The following ERCC1 variants were observed in gnomAD, a reference collection of about 807,000 sequenced individuals.
The protein encoded by ERCC1 is ERCC excision repair 1, endonuclease non-catalytic subunit.
Under a neutral mutation model 37.6 loss-of-function variants are expected in ERCC1, and 36 were observed. The observed-to-expected ratio is 0.96, with a 90% CI of 0.73 to 1.26. ERCC1 has a LOEUF of 1.26. Among genes scored for constraint, ERCC1 ranks in the 50% most tolerant of loss-of-function variants. The pLI is 0.00. For synonymous variants in ERCC1, 156 were observed against 162.1 expected, an observed-to-expected ratio of 0.96 and a Z score of 0.28; for missense variants, 349 against 376.5, an observed-to-expected ratio of 0.93 and a Z score of 0.60.
chr19:45,420,365 G>A lies in ERCC1; in HGVS notation c.384C>T (p.Pro128=), dbSNP rs139827427. The A allele has an allele frequency of 4.1e-4, 659 of 1,613,746 alleles. 3 individuals carry two copies. The highest frequency in any genetic ancestry group is 5.0e-4 in the Non-Finnish European group (594 of 1,179,842). Residue 128 remains proline (P), a synonymous_variant, in exon 4 of 10, where the codon CCC becomes CCT. Coordinates refer to ENST00000300853, the MANE Select transcript of ERCC1 (RefSeq NM_001983.4). This position sits in a 1 kb window ranked among gnomAD's most constrained non-coding sequence, Gnocchi z 4.8. ...NVPWEFGDVI[P]DYVLGQSTCA... ...AGGTGCTCTGGCCCAGCACATAGTCGGGAATTACGTCGCCAAATTCCCAGG... is the reference window on the plus strand; with the variant it reads ...AGGTGCTCTGGCCCAGCACATAGTCAGGAATTACGTCGCCAAATTCCCAGG...
chr19:45,438,942 G>T (rs1975049979), intron 1 of ERCC1, among the ~76,000 whole-genome samples: 1 of 152,108 alleles, frequency 6.6e-6, no homozygotes, highest in Admixed American at 6.6e-5. Context: ...CGCCCGGCCC[G>T]AAGTTATTCC....
Position 45,421,186 on chromosome 19 carries a change from G to A in ERCC1, c.313C>T (p.Pro105Ser). Residue 105 changes from proline to serine, a missense_variant, in exon 3 of 10, where the codon CCT (proline) becomes TCT (serine). Coordinates refer to ENST00000300853, the MANE Select transcript of ERCC1 (RefSeq NM_001983.4). The stretch of plus-strand genomic sequence containing the variant: ...TCCGTCTCCCTCCTCACCTGCCGAG[G>A]GCTCACAATGATGCTGTTGGATTTT... ...GAKSNSIIVS[P>S]RQRGNPVLKF... 1 of 1,614,038 alleles carries A rather than the reference G, an allele frequency of 6.2e-7. No homozygotes were observed. The highest frequency in any genetic ancestry group is 8.5e-7 in the Non-Finnish European group (1 of 1,179,968).
At chr19:45,447,679 C>T (rs1435860034) in intron 1 of ERCC1, among the ~76,000 whole-genome samples, 2 of 152,132 alleles carry the variant, frequency 1.3e-5, no homozygotes, top group Non-Finnish European at 2.9e-5. Flanking sequence ...CCTCCACACT[C>T]AGGATCCTCT....
At chr19:45,450,009 T>C (rs1357548651) in intron 1 of ERCC1, among the ~76,000 whole-genome samples, 2 of 152,184 alleles carry the variant, frequency 1.3e-5, no homozygotes, top group Admixed American at 6.5e-5. Flanking sequence ...AGAATCCAGT[T>C]ATTAAATAAC....
chr19:45,451,540 A>G (rs528952563), intron 1 of ERCC1, among the ~76,000 whole-genome samples: 1 of 152,150 alleles, frequency 6.6e-6, no homozygotes, highest in Non-Finnish European at 1.5e-5. Context: ...GTGTCCGGGA[A>G]GCTGTCCACA....
upstream of ERCC1, among the ~76,000 whole-genome samples, chr19:45,428,065 CTT>C (rs1974740058): frequency 1.4e-5 from 2 of 142,860 alleles, no homozygotes; most frequent in African/African-American, 5.6e-5. Flanking sequence ...TTCTTTTTTT[CTT>C]TTTCTTTCTT....
At position 45,423,305 on chromosome 19, in the gene ERCC1, T is replaced by C. The variant is rs1974553698; in HGVS notation, c.70A>G (p.Ile24Val). ...SGPPARKKFV[I>V]PLDEDEVPPG... The stretch of plus-strand genomic sequence containing the variant: ...GGGACCTCATCCTCGTCGAGGGGTA[T>C]CACAAATTTCTTCCTTGCTGGCGGC... Residue 24 changes from isoleucine (I) to valine (V), a missense_variant, in exon 2 of 10, where the codon ATA (isoleucine) becomes GTA (valine). Transcript: ENST00000300853. 6.2e-7 allele frequency: 1 copy of C among 1,613,820 alleles called. No homozygotes were observed. Among genetic ancestry groups the C allele is most frequent in the Non-Finnish European group, 8.5e-7 (1 of 1,179,946 alleles).
At chr19:45,432,559 T>A (rs2123575363) in intron 1 of ERCC1, among the ~76,000 whole-genome samples, 1 of 152,276 alleles carries the variant, frequency 6.6e-6, no homozygotes, top group Non-Finnish European at 1.5e-5. Context: ...ATTTTTTAAA[T>A]TTTAGACAGG....
chr19:45,415,552 C>T (rs954572039), intron 6 of ERCC1, among the ~76,000 whole-genome samples: 7 of 142,668 alleles, frequency 4.9e-5, no homozygotes, highest in Non-Finnish European at 9.0e-5. Context: ...ATGAGAATGG[C>T]GTGAACCCGG....
At chr19:45,418,175 G>C (rs143083510) in intron 5 of ERCC1, among the ~76,000 whole-genome samples, 1 of 151,516 alleles carries the variant, frequency 6.6e-6, no homozygotes, top group African/African-American at 2.4e-5. Flanking sequence ...TGGTGAAACC[G>C]CATCTCTACT....
chr19:45,413,748 G>C lies in ERCC1; in HGVS notation c.775-3C>G. ...GCGGCGATGAGCTGTTCCAGAGACTGAAAGGTGAAAGCGAGGGGTCAGGGC... is the reference window on the plus strand; with the variant it reads ...GCGGCGATGAGCTGTTCCAGAGACTCAAAGGTGAAAGCGAGGGGTCAGGGC... On this transcript the variant is annotated splice_polypyrimidine_tract_variant and splice_region_variant and intron_variant, in intron 8 of 9. Transcript: ENST00000300853. 6.2e-7 allele frequency: 1 copy of C among 1,613,170 alleles called. No homozygotes were observed. Among genetic ancestry groups the C allele is most frequent in the Admixed American group, 1.7e-5 (1 of 60,016 alleles).
At chr19:45,431,973 T>A (rs923307470) in intron 1 of ERCC1, among the ~76,000 whole-genome samples, 15 of 152,238 alleles carry the variant, frequency 9.9e-5, no homozygotes, top group African/African-American at 3.4e-4. Flanking sequence ...ATTAATTTTT[T>A]ATTTTTTTAT....
chr19:45,450,979 G>T (rs1967103681), intron 1 of ERCC1, among the ~76,000 whole-genome samples: 1 of 149,856 alleles, frequency 6.7e-6, no homozygotes, highest in African/African-American at 2.4e-5. Context: ...TGTTTGTCCC[G>T]GGCTGGGTGG....
rs749522470 is a variant in ERCC1, at chr19:45,408,092, T to C, written c.*1583A>G. ...AAAAATCAAAAAACCTTCCCTCTCC[T>C]GTTCCACTTAAGCCTCTGCCCTCCC... On this transcript the variant is annotated 3_prime_UTR_variant, in exon 10 of 10. Transcript: ENST00000300853. 2.0e-6 allele frequency: 3 copies of C among 1,536,224 alleles called. No homozygotes were observed. Among genetic ancestry groups the C allele is most frequent in the Middle Eastern group, 1.8e-4 (1 of 5,686 alleles).
At chr19:45,415,648 A>C (rs867355116) in intron 6 of ERCC1, among the ~76,000 whole-genome samples, 3 of 151,216 alleles carry the variant, frequency 2.0e-5, no homozygotes, top group Admixed American at 1.3e-4. Context: ...AAAAAAAAAA[A>C]AAAAAAAAAA....
chr19:45,413,333 T>C (rs1455946599), intron 9 of ERCC1: 6 of 565,918 alleles, frequency 1.1e-5, no homozygotes, highest in Admixed American at 3.1e-5. Context: ...GTAACATGCT[T>C]ATAGCTCACT....
chr19:45,428,083 CTT>C (rs5828235), upstream of ERCC1, among the ~76,000 whole-genome samples: 6 of 115,964 alleles, frequency 5.2e-5, no homozygotes, highest in Admixed American at 8.8e-5. Flanking sequence ...TTCTTTCTTT[CTT>C]TTTTTTTTTT....
intron 1 of ERCC1, 137 bp from the exon 2 acceptor site, chr19:45,423,518 A>T (rs949983286): frequency 6.8e-7 from 1 of 1,468,046 alleles, no homozygotes; most frequent in Admixed American, 2.3e-5. Context: ...ACCCAGCGCT[A>T]GAGGCTCTGT....
At chr19:45,440,617 G>T (rs1314813571) in intron 1 of ERCC1, among the ~76,000 whole-genome samples, 1 of 152,188 alleles carries the variant, frequency 6.6e-6, no homozygotes, top group Admixed American at 6.6e-5. Flanking sequence ...CGGGGCTCAG[G>T]CTGGGGAAGG....
Sources: gnomAD v4.1 joint callset for allele counts (sites outside exome capture counted in the v4.1 genomes callset) on GRCh38, gnomAD v4.1.1 for gene constraint, Gnocchi (gnomAD v3.1) non-coding constraint, MANE v1.5 for transcripts, NCBI Gene and HGNC (gene_info 2026-07-23, HGNC 2026-07-21) for gene names.